The following DLG2 variants were observed in gnomAD, a reference collection of about 807,000 sequenced individuals.
DLG2 encodes the protein disks large homolog 2.
Under a neutral mutation model 132.5 loss-of-function variants are expected in DLG2, and 45 were observed. The observed-to-expected ratio is 0.34, with a 90% CI of 0.27 to 0.44. DLG2 has a LOEUF of 0.44. Ranked by LOEUF, DLG2 falls within the 20% of genes least tolerant of loss-of-function variation. The pLI, the probability that DLG2 is intolerant of heterozygous loss-of-function variation, is 1.00. For synonymous variants in DLG2, 424 were observed against 419.6 expected, an observed-to-expected ratio of 1.01 and a Z score of -0.13; for missense variants, 1,045 against 1,196.9, an observed-to-expected ratio of 0.87 and a Z score of 1.87.
intron 16 of DLG2, among the ~76,000 whole-genome samples, chr11:83,844,798 T>C (rs896927209): frequency 4.6e-5 from 7 of 152,098 alleles, no homozygotes; most frequent in African/African-American, 1.7e-4. Context: ...GGGTAACGTA[T>C]GAGATGGGCT....
intron 9 of DLG2, among the ~76,000 whole-genome samples, chr11:84,128,616 G>C (rs920050071): frequency 6.6e-6 from 1 of 151,588 alleles, no homozygotes; most frequent in South Asian, 2.1e-4. Context: ...AAATTTTTTC[G>C]GTCTGCATTG....
At chr11:85,066,887 C>T (rs1042989327) in intron 6 of DLG2, among the ~76,000 whole-genome samples, 1 of 151,658 alleles carries the variant, frequency 6.6e-6, no homozygotes, top group South Asian at 2.1e-4. Flanking sequence ...AGGATGCTCA[C>T]TTTTACCACT....
At chr11:84,110,950 T>C (rs2093315445) in intron 9 of DLG2, among the ~76,000 whole-genome samples, 1 of 152,214 alleles carries the variant, frequency 6.6e-6, no homozygotes, top group African/African-American at 2.4e-5. Flanking sequence ...TGTGTAGATT[T>C]ATATATCCCG....
intron 18 of DLG2, chr11:83,646,503 T>C (rs1161840531): frequency 6.6e-6 from 1 of 152,290 alleles, no homozygotes; most frequent in African/African-American, 2.4e-5. Flanking sequence ...GGGCTTTTTG[T>C]AGACACTTTT....
intron 3 of DLG2, among the ~76,000 whole-genome samples, chr11:85,571,423 A>G (rs1166268531): frequency 2.0e-5 from 3 of 152,120 alleles, no homozygotes; most frequent in Non-Finnish European, 4.4e-5. Context: ...TTCCTTAACC[A>G]TTAGAAACCA....
chr11:85,449,812 A>G (rs1437080419), intron 3 of DLG2, among the ~76,000 whole-genome samples: 1 of 141,968 alleles, frequency 7.0e-6, no homozygotes, highest in Non-Finnish European at 1.5e-5. Context: ...TTTTAGCTCT[A>G]GACTGCTCAG....
rs1047714054 is a variant in DLG2, at chr11:83,983,615, A to G, written c.920-2973T>C. 2.6e-5 allele frequency among the ~76,000 whole-genome samples: 4 copies of G among 152,196 alleles called. No homozygotes were observed. In the South Asian group the frequency reaches 8.3e-4, roughly 32 times the overall value. ...CGTTAAATTAACCATAATAGTTGTT[A>G]AAAATAAATGGAAAATTGATTTAAA... is the stretch of plus-strand genomic sequence containing the variant. On this transcript the variant is annotated intron_variant, in intron 11 of 27. Transcript: ENST00000376104.
chr11:84,209,117 G>A (rs909273717), intron 8 of DLG2, among the ~76,000 whole-genome samples: 4 of 152,160 alleles, frequency 2.6e-5, no homozygotes, highest in Admixed American at 6.5e-5. Flanking sequence ...AAAGGTTAAC[G>A]TCACCAGAAA....
intron 4 of DLG2, among the ~76,000 whole-genome samples, chr11:85,227,183 A>G (rs570101729): frequency 4.6e-5 from 7 of 152,286 alleles, no homozygotes; most frequent in African/African-American, 1.7e-4. Context: ...ATAATCAATC[A>G]GCTGAGGCTA....
chr11:85,191,257 C>T (rs1178485839), intron 4 of DLG2, among the ~76,000 whole-genome samples: 4 of 149,512 alleles, frequency 2.7e-5, no homozygotes, highest in Admixed American at 6.6e-5. Flanking sequence ...TATGGTGTAT[C>T]GTAACTTTCC....
intron 21 of DLG2, among the ~76,000 whole-genome samples, chr11:83,493,211 C>CTGAT (rs1330739580): frequency 6.6e-6 from 1 of 152,088 alleles, no homozygotes; most frequent in African/African-American, 2.4e-5. Flanking sequence ...CCTTAGAAGG[C>CTGAT]TGATTCCTCA....
intron 11 of DLG2, among the ~76,000 whole-genome samples, chr11:84,039,035 TTTTA>T (rs781030345): frequency 2.0e-5 from 3 of 152,034 alleles, no homozygotes; most frequent in African/African-American, 4.8e-5. Flanking sequence ...TGTTTTAAAG[TTTTA>T]TTTGTTTTTT....
intron 7 of DLG2, among the ~76,000 whole-genome samples, chr11:84,389,570 T>G (rs2098784738): frequency 6.6e-6 from 1 of 152,192 alleles, no homozygotes. Context: ...TCATAGCCTT[T>G]GCATTTGAAG....
chr11:85,330,854 G>T (rs1288697130), intron 3 of DLG2, among the ~76,000 whole-genome samples: 2 of 142,762 alleles, frequency 1.4e-5, no homozygotes, highest in African/African-American at 2.6e-5. Context: ...TTCTTTTCCA[G>T]AGTCTGCTCA....
Position 83,787,323 on chromosome 11 carries a change from G to GT in DLG2, c.1723-532dup, listed in dbSNP as rs1369444931. ...CAGCCTTAAGCCTTGTTTTTTTTTT[G>GT]TTTTTTTTTTTTTTTTTAGACAGAG... On this transcript the variant is annotated intron_variant, in intron 17 of 27. Transcript: ENST00000376104. 3.7e-3 allele frequency among the ~76,000 whole-genome samples: 434 copies of GT among 118,196 alleles called. 4 individuals are homozygous for GT. Among genetic ancestry groups the GT allele is most frequent in the Non-Finnish European group, 5.0e-3 (303 of 60,768 alleles). 77.5% of individuals were successfully genotyped at this position (118,196 alleles called of 152,430 possible).
chr11:85,129,182 A>G (rs184734832), intron 5 of DLG2, among the ~76,000 whole-genome samples: 15 of 152,352 alleles, frequency 9.8e-5, no homozygotes, highest in Admixed American at 7.2e-4. Flanking sequence ...TTTGAGAAAA[A>G]GAGATGACTC....
Position 85,429,183 on chromosome 11 carries a change from G to A in DLG2, c.41-143818C>T, listed in dbSNP as rs185091490. On this transcript the variant is annotated intron_variant, in intron 3 of 27. Transcript: ENST00000376104. Reference sequence around the variant, plus strand: ...TCCAGGACCAGATGGATTCACAGCCGAATTCTACCAGAGGTACAAGGAGGA... The same window carrying A: ...TCCAGGACCAGATGGATTCACAGCCAAATTCTACCAGAGGTACAAGGAGGA... Among the ~76,000 whole-genome samples, 486 of 152,182 alleles carry A rather than the reference G, an allele frequency of 3.2e-3. 1 individual carries two copies. The highest frequency in any genetic ancestry group is 0.011 in the African/African-American group (453 of 41,534).
chr11:84,394,961 C>A (rs1176638573), intron 7 of DLG2, among the ~76,000 whole-genome samples: 1 of 152,014 alleles, frequency 6.6e-6, no homozygotes, highest in Admixed American at 6.6e-5. Flanking sequence ...GCTGTTTATC[C>A]CCTCCTTCTG....
At chr11:85,458,115 G>A (rs1195675540) in intron 3 of DLG2, among the ~76,000 whole-genome samples, 1 of 152,028 alleles carries the variant, frequency 6.6e-6, no homozygotes, top group African/African-American at 2.4e-5. Context: ...CATATTTCTT[G>A]GAGGTTTTGT....
Sources: gnomAD v4.1 joint callset for allele counts (sites outside exome capture counted in the v4.1 genomes callset) on GRCh38, gnomAD v4.1.1 for gene constraint, MANE v1.5 for transcripts, NCBI Gene and HGNC (gene_info 2026-07-23, HGNC 2026-07-21) for gene names.